The following NLRC4 variants were observed in gnomAD, a reference collection of about 807,000 sequenced individuals.
The protein encoded by NLRC4 is NLR family CARD domain-containing protein 4.
NLRC4 carries 63 observed loss-of-function variants against 79.9 expected under a neutral mutation model. That is an observed-to-expected ratio of 0.79 (90% CI 0.64 to 0.97). The LOEUF (loss-of-function observed/expected upper bound fraction) is 0.97, where lower values mean the gene tolerates loss of function less well. Ranked by LOEUF, NLRC4 falls within the 50% of genes least tolerant of loss-of-function variation. The pLI, the probability that NLRC4 is intolerant of heterozygous loss-of-function variation, is 0.00. For synonymous variants in NLRC4, 461 were observed against 456.5 expected (o/e 1.01, Z -0.12); for missense variants, 1,074 against 1,215.2 (o/e 0.88, Z 1.73).
chr2:32,233,134 GAGGAAGGAAGGAAGGA>G (rs763764067), intron 8 of NLRC4, among the ~76,000 whole-genome samples: 6,260 of 33,644 alleles, frequency 0.19, 787 homozygotes, highest in African/African-American at 0.3. Context: ...GTGGGGGAGG[GAGGAAGGAAGGAAGGA>G]AGGAAGGAAG....
chr2:32,227,264 T>C (rs996616512), intron 8 of NLRC4, among the ~76,000 whole-genome samples: 1 of 152,170 alleles, frequency 6.6e-6, no homozygotes, highest in Non-Finnish European at 1.5e-5. Flanking sequence ...TGTTACATGA[T>C]AGAGAATCAA....
chr2:32,241,404 T>A (rs1437193953), intron 4 of NLRC4, among the ~76,000 whole-genome samples: 1 of 121,460 alleles, frequency 8.2e-6, no homozygotes, highest in African/African-American at 3.3e-5. Flanking sequence ...TGAGACAGAG[T>A]CTTGCTCTGT....
chr2:32,257,883 A>G (rs753919334), intron 1 of NLRC4, among the ~76,000 whole-genome samples: 10 of 152,180 alleles, frequency 6.6e-5, no homozygotes, highest in Non-Finnish European at 8.8e-5. Context: ...GAATGTTTAC[A>G]GCTCCTGAAG....
At chr2:32,249,509 C>T in intron 4 of NLRC4, 98 bp downstream of exon 4, 1 of 1,041,734 alleles carries the variant, frequency 9.6e-7, no homozygotes, top group Non-Finnish European at 1.4e-6. Context: ...GGCTGTAACC[C>T]TTTAGAAGAA....
rs745745438 is a variant in NLRC4, at chr2:32,250,077, A to G, written c.1787T>C (p.Phe596Ser). 1.9e-6 allele frequency: 3 copies of G among 1,614,106 alleles called. No homozygotes were observed. The highest frequency in any genetic ancestry group is 2.5e-6 in the Non-Finnish European group (3 of 1,180,044). ...INSGNIPDYL[F>S]DFFEHLPNCA... ...ATTGGGCAAATGTTCAAAGAAGTCA[A>G]ATAAGTAATCGGGGATGTTCCCTGA... The change falls in exon 4 of 9, where the codon TTT becomes TCT. Residue 596 changes from phenylalanine to serine, a missense_variant. Physicochemically the swap from Phe to Ser is radical, Grantham distance 155. Coordinates refer to ENST00000402280, the MANE Select transcript of NLRC4 (RefSeq NM_001199138.2). The surrounding 1 kb of genome is among the most constrained non-coding windows in gnomAD (Gnocchi z 4.9).
chr2:32,256,719 C>T (rs1687214404), intron 2 of NLRC4, 56 bp downstream of exon 2: 2 of 723,572 alleles, frequency 2.8e-6, no homozygotes, highest in Non-Finnish European at 2.6e-6. Flanking sequence ...TTTAAAATCA[C>T]CAGTATTTGG....
chr2:32,263,011 C>G (rs891473390), intron 1 of NLRC4, among the ~76,000 whole-genome samples: 1 of 151,896 alleles, frequency 6.6e-6, no homozygotes, highest in East Asian at 1.9e-4. Context: ...CCACCATGCC[C>G]AGCTGGAAAA....
intron 8 of NLRC4, among the ~76,000 whole-genome samples, chr2:32,233,045 A>G (rs1234216517): frequency 1.3e-5 from 2 of 148,362 alleles, no homozygotes; most frequent in Non-Finnish European, 3.0e-5. Flanking sequence ...CCAGAAGTTC[A>G]AGGTTAGTGA....
chr2:32,256,849 T>A lies in NLRC4; in HGVS notation c.-74A>T. 1 of 769,662 alleles carries A rather than the reference T, an allele frequency of 1.3e-6. No individual in the cohort carries two copies. The highest frequency in any genetic ancestry group is 1.4e-5 in the South Asian group (1 of 72,966). 47.7% of individuals were successfully genotyped at this position (769,662 alleles called of 1,614,324 possible). On this transcript the variant is annotated 5_prime_UTR_variant, in exon 2 of 9. Transcript: ENST00000402280. ...TATTTCCAAATGGAAAGGTCAAAGG[T>A]GATCCCAATATTGTCCTCTTTTTTC...
At chr2:32,240,932 A>C in intron 5 of NLRC4, 101 bp downstream of exon 5, 1 of 709,212 alleles carries the variant, frequency 1.4e-6, no homozygotes, top group South Asian at 1.6e-5. Flanking sequence ...GTACATAAAA[A>C]CATCCTTGCC....
chr2:32,249,870 G>C lies in NLRC4; in HGVS notation c.1994C>G (p.Thr665Arg), dbSNP rs1358685708. ...ATTCAACTTGCTGAAATCCCGGAGT[G>C]TGACCTCCAGAGTCCTGAATTCCTG... ...WKQEFRTLEV[T>R]LRDFSKLNKQ... is the part of the protein sequence containing the mutation. The change falls in exon 4 of 9, where the codon ACA becomes AGA. Residue 665 changes from threonine (T) to arginine (R), a missense_variant. Coordinates refer to ENST00000402280, the MANE Select transcript of NLRC4 (RefSeq NM_001199138.2). The C allele has an allele frequency of 6.2e-7, 1 of 1,614,180 alleles. No individual in the cohort carries two copies. The highest frequency in any genetic ancestry group is 1.1e-5 in the South Asian group (1 of 91,080).
chr2:32,231,945 T>C (rs773709222), intron 8 of NLRC4, among the ~76,000 whole-genome samples: 1 of 152,236 alleles, frequency 6.6e-6, no homozygotes, highest in Non-Finnish European at 1.5e-5. Context: ...CTCTTTAGGT[T>C]CCTCATGCTT....
At chr2:32,247,565 C>T (rs987891794) in intron 4 of NLRC4, among the ~76,000 whole-genome samples, 1 of 151,564 alleles carries the variant, frequency 6.6e-6, no homozygotes, top group East Asian at 1.9e-4. Context: ...CCACCTGCCT[C>T]AGCCTTCCAA....
chr2:32,251,550 A>G lies in NLRC4; in HGVS notation c.314T>C (p.Leu105Ser). Residue 105 changes from leucine (L) to serine (S), a missense_variant, in exon 4 of 9, where the codon TTA (leucine) becomes TCA (serine). Transcript: ENST00000402280. ...EGDLDDLAQDLKDLYHTPSFL... is the reference protein window; with the variant it reads ...EGDLDDLAQDSKDLYHTPSFL... ...AGATGGGGTATGGTACAAGTCCTTTAAATCCTGAGCCAAATCGTCCAAGTC... is the reference window on the plus strand; with the variant it reads ...AGATGGGGTATGGTACAAGTCCTTTGAATCCTGAGCCAAATCGTCCAAGTC... The G allele has an allele frequency of 1.2e-6, 2 of 1,612,528 alleles. No homozygotes were observed. The highest frequency in any genetic ancestry group is 1.7e-6 in the Non-Finnish European group (2 of 1,179,322).
In NLRC4 at chr2:32,256,773, A is replaced by C. The variant is rs1461595463; in HGVS notation, c.1+2T>G. 1.3e-6 allele frequency: 1 copy of C among 780,920 alleles called. No individual in the cohort carries two copies. Among genetic ancestry groups the C allele is most frequent in the African/African-American group, 1.7e-5 (1 of 59,166 alleles). The allele number at this position is 780,920 out of a possible 1,614,324, so 48.4% of individuals were successfully genotyped here. A position where few individuals can be genotyped will look rare whatever the true frequency, so the allele number is the denominator to read the frequency against. ...GGCAGATGTTATTTCTCATATACTT[A>C]CTTGTTCTGGATGAAAGCTTCCCAC... On this transcript the variant is annotated splice_donor_variant, in intron 2 of 8. Coordinates refer to ENST00000402280, the MANE Select transcript of NLRC4 (RefSeq NM_001199138.2). LOFTEE classifies it high-confidence loss of function.
chr2:32,224,622 CT>C lies in NLRC4; in HGVS notation c.2925del (p.Glu976AsnfsTer8). On this transcript the variant is annotated frameshift_variant, in exon 9 of 9. Transcript: ENST00000402280. LOFTEE classifies it high-confidence loss of function. ...KQLVFFDFST[K>X]EFLPDPALVR... ...ACTAATGCTGGATCAGGTAGAAATT[CT>C]TTAGTACTAAAGTCAAAAAACACTA... The C allele has an allele frequency of 6.2e-7, 1 of 1,613,870 alleles. No individual in the cohort carries two copies. The highest frequency in any genetic ancestry group is 8.5e-7 in the Non-Finnish European group (1 of 1,179,856).
intron 2 of NLRC4, 111 bp downstream of exon 2, chr2:32,256,664 A>G: frequency 1.4e-6 from 1 of 716,166 alleles, no homozygotes; most frequent in Middle Eastern, 2.5e-4. Flanking sequence ...TTTATTGGTA[A>G]TTCCACATAT....
chr2:32,247,682 A>G (rs1686969824), intron 4 of NLRC4, among the ~76,000 whole-genome samples: 1 of 152,038 alleles, frequency 6.6e-6, no homozygotes, highest in South Asian at 2.1e-4. Context: ...ATGTGTATAT[A>G]TATCTTTCCA....
At chr2:32,240,307 G>C (rs1258330247) in intron 5 of NLRC4, among the ~76,000 whole-genome samples, 2 of 150,500 alleles carry the variant, frequency 1.3e-5, no homozygotes, top group African/African-American at 4.9e-5. Context: ...TTATAGGCTA[G>C]AGTTGTCTTT....
Sources: allele counts gnomAD v4.1 joint callset (sites outside exome capture counted in the v4.1 genomes callset), GRCh38; gene constraint gnomAD v4.1.1; non-coding constraint Gnocchi (gnomAD v3.1); transcripts MANE v1.5; gene names NCBI Gene and HGNC (gene_info 2026-07-23, HGNC 2026-07-21).